Variants in TNKS observed in about 807,000 individuals in gnomAD.
TNKS encodes tankyrase.
Under a neutral mutation model 135.8 loss-of-function variants are expected in TNKS, and 72 were observed. The ratio of observed to expected loss-of-function variants is 0.53; its 90% CI spans 0.44 to 0.64. The LOEUF is 0.64. TNKS is among the 30% of genes least tolerant of loss of function. The pLI is 0.00. For missense variants in TNKS, 1,769 were observed against 1,674.0 expected (o/e 1.06, Z -0.99); for synonymous variants, 849 against 649.3 (o/e 1.31, Z -4.68).
intron 3 of TNKS, among the ~76,000 whole-genome samples, chr8:9,659,197 A>T (rs1163445834): frequency 6.6e-6 from 1 of 152,218 alleles, no homozygotes; most frequent in African/African-American, 2.4e-5. Flanking sequence ...GTTAACAAAG[A>T]TATCCAGGAG....
At chr8:9,680,948 T>C in intron 5 of TNKS, 148 bp downstream of exon 5, 1 of 541,540 alleles carries the variant, frequency 1.8e-6, no homozygotes, top group East Asian at 2.9e-5. Context: ...ATATCTGTTA[T>C]TGGCAGTTGT....
At position 9,709,921 on chromosome 8, in the gene TNKS, GTATTT is replaced by G. The variant is rs766022647; in HGVS notation, c.1579-29_1579-25del. The G allele has an allele frequency of 1.6e-5, 25 of 1,535,994 alleles. No homozygotes were observed. In the Admixed American group the frequency reaches 1.8e-4, roughly 11 times the overall value. On this transcript the variant is annotated intron_variant, in intron 9 of 26. Transcript: ENST00000310430. Reference sequence around the variant, plus strand: ...CAAGAGCTACTGTACATATGGAAGTGTATTTTATTAACTTGGTTTTGTTTACTTTA... The same window carrying G: ...CAAGAGCTACTGTACATATGGAAGTGTATTAACTTGGTTTTGTTTACTTTA...
chr8:9,567,943 GA>G (rs1009638491), intron 1 of TNKS, among the ~76,000 whole-genome samples: 3 of 151,468 alleles, frequency 2.0e-5, no homozygotes, highest in East Asian at 1.9e-4. Context: ...ACATTTAAGT[GA>G]AAAAAAAGGG....
Position 9,772,663 on chromosome 8 carries a change from CAAT to C in TNKS, c.3897+2402_3897+2404del, listed in dbSNP as rs1317075625. ...TGGACATTAAATAAAAGGATTGTAT[CAAT>C]GTAAAATTATAAGGTTGATTCTGTA... On this transcript the variant is annotated intron_variant, in intron 26 of 26. Coordinates refer to ENST00000310430, the MANE Select transcript of TNKS (RefSeq NM_003747.3). 3.9e-5 allele frequency among the ~76,000 whole-genome samples: 6 copies of C among 152,008 alleles called. No individual in the cohort carries two copies. The East Asian group carries it at 1.2e-3, about 29-fold the overall frequency.
At chr8:9,756,564 GA>G (rs200289671) in intron 20 of TNKS, among the ~76,000 whole-genome samples, 2 of 150,280 alleles carry the variant, frequency 1.3e-5, no homozygotes, top group Admixed American at 6.6e-5. Context: ...ATGATTTTCA[GA>G]AAAAAAAATG....
At chr8:9,722,142 A>G (rs1007542577) in intron 12 of TNKS, among the ~76,000 whole-genome samples, 4 of 152,134 alleles carry the variant, frequency 2.6e-5, no homozygotes, top group African/African-American at 7.2e-5. Context: ...AAAATAATTT[A>G]TAGTTCTTAT....
At chr8:9,609,593 A>T (rs967750254) in intron 2 of TNKS, among the ~76,000 whole-genome samples, 3 of 152,170 alleles carry the variant, frequency 2.0e-5, no homozygotes, top group African/African-American at 7.2e-5. Flanking sequence ...CAGCTTCCAT[A>T]CACGTTTACC....
intron 3 of TNKS, among the ~76,000 whole-genome samples, chr8:9,657,154 T>C (rs1801418527): frequency 7.6e-6 from 1 of 131,678 alleles, no homozygotes; most frequent in African/African-American, 2.8e-5. Context: ...CCAGACGGGG[T>C]GGTGGCCGGG....
rs1381563907 is a variant in TNKS, at chr8:9,751,736, C to T, written c.2960C>T (p.Ser987Leu). Residue 987 changes from serine to leucine, a missense_variant, in exon 19 of 27, where the codon TCG (serine) becomes TTG (leucine). By Grantham distance (145) the Ser-to-Leu change is moderately radical (BLOSUM62 -2). Coordinates refer to ENST00000310430, the MANE Select transcript of TNKS (RefSeq NM_003747.3). ...CCAGCATCCACCCCCTCCTGCCTCT[C>T]GGCTGCCAGCAGCATAGACAACCTC... ...ISPASTPSCL[S>L]AASSIDNLTG... 5.0e-6 allele frequency: 8 copies of T among 1,614,184 alleles called. No homozygotes were observed. The highest frequency in any genetic ancestry group is 1.1e-5 in the South Asian group (1 of 91,076).
chr8:9,762,971 C>CTT (rs1008055095), intron 21 of TNKS, among the ~76,000 whole-genome samples, 176 bp from the exon 22 acceptor site: 3 of 149,778 alleles, frequency 2.0e-5, no homozygotes, highest in African/African-American at 7.4e-5. Context: ...TCCTGTCTGT[C>CTT]TTTGAGTATA....
At chr8:9,641,021 C>T (rs772152465) in intron 3 of TNKS, among the ~76,000 whole-genome samples, 11 of 145,886 alleles carry the variant, frequency 7.5e-5, no homozygotes, top group African/African-American at 1.3e-4. Context: ...AAAGCCCAAA[C>T]GCTTTAATAG....
At chr8:9,633,963 G>A (rs2128772944) in intron 3 of TNKS, among the ~76,000 whole-genome samples, 1 of 152,092 alleles carries the variant, frequency 6.6e-6, no homozygotes. Flanking sequence ...CTGACCCTCA[G>A]AAACTATGTG....
At chr8:9,770,449 T>C (rs1807759274) in intron 26 of TNKS, among the ~76,000 whole-genome samples, 187 bp downstream of exon 26, 1 of 152,232 alleles carries the variant, frequency 6.6e-6, no homozygotes, top group Non-Finnish European at 1.5e-5. Flanking sequence ...CTAAAACCCA[T>C]TAGTAGCTGT....
At position 9,772,295 on chromosome 8, in the gene TNKS, G is replaced by T. The variant is rs757061745; in HGVS notation, c.3897+2033G>T. 6.9e-6 allele frequency: 3 copies of T among 437,352 alleles called. No homozygotes were observed. The East Asian group carries it at 2.1e-4, about 31-fold the overall frequency. The allele number at this position is 437,352 out of a possible 1,614,324, so 27.1% of individuals were successfully genotyped here. On this transcript the variant is annotated intron_variant, in intron 26 of 26. Coordinates refer to ENST00000310430, the MANE Select transcript of TNKS (RefSeq NM_003747.3). ...GGAGTAATTATATATTGGAGAAAGG[G>T]GACAATGCCTTGACCAGATAATCAA... is the stretch of plus-strand genomic sequence containing the variant.
At chr8:9,692,947 A>T (rs1225268652) in intron 5 of TNKS, among the ~76,000 whole-genome samples, 1 of 152,166 alleles carries the variant, frequency 6.6e-6, no homozygotes, top group African/African-American at 2.4e-5. Context: ...TAGGGTTCTC[A>T]TCTAAATATC....
At chr8:9,557,661 A>G (rs1213827352) in intron 1 of TNKS, 2 of 152,158 alleles carry the variant, frequency 1.3e-5, no homozygotes, top group Admixed American at 6.5e-5. Flanking sequence ...AACATCAGAG[A>G]TAACACACCA....
At chr8:9,584,825 G>T (rs1308794889) in intron 2 of TNKS, among the ~76,000 whole-genome samples, 1 of 152,174 alleles carries the variant, frequency 6.6e-6, no homozygotes. Flanking sequence ...CCTCTTCCAG[G>T]TGCCTCTCAT....
At chr8:9,769,684 A>ATC (rs1180960986) in intron 25 of TNKS, among the ~76,000 whole-genome samples, 2 of 127,126 alleles carry the variant, frequency 1.6e-5, no homozygotes, top group African/African-American at 6.1e-5. Context: ...CAGTGGCGCG[A>ATC]TCTCGGCTCA....
chr8:9,773,956 AATGTTT>A (rs2128844078), intron 26 of TNKS, among the ~76,000 whole-genome samples: 1 of 152,196 alleles, frequency 6.6e-6, no homozygotes, highest in African/African-American at 2.4e-5. Flanking sequence ...TTTCACTCTT[AATGTTT>A]AACTTTCAAA....
Sources: allele counts gnomAD v4.1 joint callset (sites outside exome capture counted in the v4.1 genomes callset), GRCh38; gene constraint gnomAD v4.1.1; transcripts MANE v1.5; gene names NCBI Gene and HGNC (gene_info 2026-07-23, HGNC 2026-07-21).